ST14: variants seen among roughly 807,000 people sequenced by gnomAD.
ST14 encodes ST14 transmembrane serine protease matriptase, also known as suppressor of tumorigenicity 14 protein.
In ST14, 40 loss-of-function variants were observed where a neutral mutation model predicts 96.5. The observed-to-expected ratio is 0.41, with a 90% CI of 0.32 to 0.54. The LOEUF (loss-of-function observed/expected upper bound fraction) is 0.54. ST14 is among the 20% of genes least tolerant of loss of function. ST14 has a pLI of 0.17. For synonymous variants in ST14, 506 were observed against 492.1 expected (o/e 1.03, Z -0.37); for missense variants, 1,066 against 1,188.9 (o/e 0.90, Z 1.52).
At chr11:130,207,826 G>A (rs1029406056) in intron 16 of ST14, among the ~76,000 whole-genome samples, 4 of 152,066 alleles carry the variant, frequency 2.6e-5, no homozygotes, top group Admixed American at 1.3e-4. Context: ...TAATCCCAGC[G>A]CTTTGGGAGG....
chr11:130,197,953 A>G lies in ST14; in HGVS notation c.1459+8A>G, dbSNP rs896727416. 7.0e-6 allele frequency: 11 copies of G among 1,569,968 alleles called. No homozygotes were observed. The highest frequency in any genetic ancestry group is 1.2e-5 in the South Asian group (1 of 86,174). On this transcript the variant is annotated splice_region_variant and intron_variant, in intron 12 of 18. Coordinates refer to ENST00000278742, the MANE Select transcript of ST14 (RefSeq NM_021978.4). ...GCGATGAGCTCAACTGCAGTGAGTC[A>G]GGCTGGGAGCCCCGGTCTCCCCACC...
intron 16 of ST14, among the ~76,000 whole-genome samples, chr11:130,202,149 G>A (rs1271007597): frequency 6.6e-6 from 1 of 152,226 alleles, no homozygotes; most frequent in Admixed American, 6.5e-5. Context: ...ATGGCTGGGT[G>A]CATACTAAGA....
At chr11:130,167,999 G>A (rs1953057107) in intron 1 of ST14, among the ~76,000 whole-genome samples, 1 of 152,198 alleles carries the variant, frequency 6.6e-6, no homozygotes, top group Non-Finnish European at 1.5e-5. Flanking sequence ...GCAGGCATGA[G>A]CCACCGTGCC....
At position 130,200,105 on chromosome 11, in the gene ST14, C is replaced by A; in HGVS notation, c.1962C>A (p.Ala654=). The A allele has an allele frequency of 5.6e-6, 9 of 1,614,200 alleles. No homozygotes were observed. The highest frequency in any genetic ancestry group is 7.6e-6 in the Non-Finnish European group (9 of 1,180,044). ...SLISPNWLVS[A]AHCYIDDRGF... is the part of the protein sequence containing the mutation. ...TCTCTCCCAACTGGCTGGTCTCTGC[C>A]GCACACTGCTACATCGATGACAGAG... The change falls in exon 16 of 19, where the codon GCC becomes GCA. Residue 654 remains alanine (A), a synonymous_variant. Transcript: ENST00000278742.
In ST14 at chr11:130,160,039, C is replaced by T; in HGVS notation, c.60C>T (p.Leu20=). ...GCCCGAAGGACTTCGGCGCGGGACTCAAGTACAACTCCCGGCACGAGGTGA... is the reference window on the plus strand; with the variant it reads ...GCCCGAAGGACTTCGGCGCGGGACTTAAGTACAACTCCCGGCACGAGGTGA... The part of the protein sequence containing the change: ...GGGPKDFGAG[L]KYNSRHEKVN... The change falls in exon 1 of 19, where the codon CTC becomes CTT. Residue 20 remains leucine (L), a synonymous_variant. Coordinates refer to ENST00000278742, the MANE Select transcript of ST14 (RefSeq NM_021978.4). 4 of 1,437,598 alleles carry T rather than the reference C, an allele frequency of 2.8e-6. No homozygotes were observed. Among genetic ancestry groups the T allele is most frequent in the Non-Finnish European group, 3.7e-6 (4 of 1,087,854 alleles). 89.1% of individuals were successfully genotyped at this position (1,437,598 alleles called of 1,614,324 possible).
At chr11:130,195,521 C>T (rs911935630) in intron 9 of ST14, among the ~76,000 whole-genome samples, 3 of 152,168 alleles carry the variant, frequency 2.0e-5, no homozygotes, top group Admixed American at 1.3e-4. Flanking sequence ...GTGCCGCTCA[C>T]GCCATCCCAG....
In ST14 at chr11:130,188,224, C is replaced by G; in HGVS notation, c.192C>G (p.Gly64=). The change falls in exon 2 of 19, where the codon GGC becomes GGG. Residue 64 remains glycine (G), a synonymous_variant. Coordinates refer to ENST00000278742, the MANE Select transcript of ST14 (RefSeq NM_021978.4). The surrounding 1 kb of genome is among the most constrained non-coding windows in gnomAD (Gnocchi z 5.4). ...TGGTGCTGGCAGCCGTGCTGATCGGCCTCCTCTTGGTCTTGCTGGGGATCG... is the reference window on the plus strand; with the variant it reads ...TGGTGCTGGCAGCCGTGCTGATCGGGCTCCTCTTGGTCTTGCTGGGGATCG... ...RWVVLAAVLI[G]LLLVLLGIGF... 1 of 1,614,154 alleles carries G rather than the reference C, an allele frequency of 6.2e-7. No homozygotes were observed. Among genetic ancestry groups the G allele is most frequent in the Non-Finnish European group, 8.5e-7 (1 of 1,180,022 alleles).
rs1165417159 is a variant in ST14, at chr11:130,190,509, G to T, written c.690G>T (p.Thr230=). 2.5e-6 allele frequency: 4 copies of T among 1,609,446 alleles called. No individual in the cohort carries two copies. The highest frequency in any genetic ancestry group is 3.4e-6 in the Non-Finnish European group (4 of 1,179,840). The change falls in exon 7 of 19, where the codon ACG becomes ACT. Residue 230 remains threonine (T), a synonymous_variant. Coordinates refer to ENST00000278742, the MANE Select transcript of ST14 (RefSeq NM_021978.4). The part of the protein sequence containing the change: ...ARGVELMRFT[T]PGFPDSPYPA... ...GTGTGGAGCTGATGCGCTTCACCACGCCCGGCTTCCCTGACAGCCCCTACC... is the reference window on the plus strand; with the variant it reads ...GTGTGGAGCTGATGCGCTTCACCACTCCCGGCTTCCCTGACAGCCCCTACC...
In ST14 at chr11:130,181,712, T is replaced by C. The variant is rs1364568164; in HGVS notation, c.82-6402T>C. Among the ~76,000 whole-genome samples, 1 of 152,180 alleles carries C rather than the reference T, an allele frequency of 6.6e-6. No homozygotes were observed. Among genetic ancestry groups the C allele is most frequent in the Admixed American group, 6.5e-5 (1 of 15,284 alleles). On this transcript the variant is annotated intron_variant, in intron 1 of 18. Transcript: ENST00000278742. The surrounding 1 kb of genome is among the most constrained non-coding windows in gnomAD (Gnocchi z 4.1). ...ACTGACTTTATTAACTTTGTGACCT[T>C]GGACAGGCCACTCCCTCTCTTTCAT...
At chr11:130,209,601 G>C (rs533872308) in intron 18 of ST14, 23 bp downstream of exon 18, 4 of 1,587,434 alleles carry the variant, frequency 2.5e-6, no homozygotes, top group Non-Finnish European at 3.4e-6. Flanking sequence ...GCAGGAGGGC[G>C]GCAGGTGGGC....
At chr11:130,209,603 C>A in intron 18 of ST14, 25 bp downstream of exon 18, 1 of 1,588,424 alleles carries the variant, frequency 6.3e-7, no homozygotes, top group Non-Finnish European at 8.6e-7. Context: ...AGGAGGGCGG[C>A]AGGTGGGCCC....
In ST14 at chr11:130,208,452, C is replaced by T. The variant is rs368765251; in HGVS notation, c.2037C>T (p.His679=). 6.2e-7 allele frequency: 1 copy of T among 1,614,158 alleles called. No individual in the cohort carries two copies. The highest frequency in any genetic ancestry group is 8.5e-7 in the Non-Finnish European group (1 of 1,180,042). ...AGTGGACGGCCTTCCTGGGCTTGCA[C>T]GACCAGAGCCAGCGCAGCGCCCCTG... ...PTQWTAFLGL[H]DQSQRSAPGV... The change falls in exon 17 of 19, where the codon CAC becomes CAT. Residue 679 remains histidine, a synonymous_variant. Transcript: ENST00000278742.
At chr11:130,207,796 G>T (rs1231197253) in intron 16 of ST14, among the ~76,000 whole-genome samples, 1 of 152,198 alleles carries the variant, frequency 6.6e-6, no homozygotes. Flanking sequence ...ATTTGGGCTG[G>T]GCGTGGTGGC....
chr11:130,199,857 C>T (rs1410311441), intron 15 of ST14, 94 bp from the exon 16 acceptor site: 1 of 1,533,388 alleles, frequency 6.5e-7, no homozygotes, highest in African/African-American at 1.4e-5. Flanking sequence ...CTGGCTTCCC[C>T]ACACAGGGTC....
chr11:130,190,075 G>C (rs1295915992), intron 5 of ST14, 38 bp from the exon 6 acceptor site: 13 of 1,613,918 alleles, frequency 8.1e-6, no homozygotes, highest in Non-Finnish European at 1.1e-5. Context: ...GAAATGGATT[G>C]TATCAGGAAA....
Position 130,196,334 on chromosome 11 carries a change from C to T in ST14, c.1114-5C>T, listed in dbSNP as rs1188104727. 3 of 1,580,790 alleles carry T rather than the reference C, an allele frequency of 1.9e-6. No homozygotes were observed. Among genetic ancestry groups the T allele is most frequent in the Non-Finnish European group, 2.6e-6 (3 of 1,163,260 alleles). The stretch of plus-strand genomic sequence containing the variant: ...GCACATTCCCAGCAGCCTCTCTTCC[C>T]TCAGGTGCCCAACAACCAGCATGTG... On this transcript the variant is annotated splice_region_variant and splice_polypyrimidine_tract_variant and intron_variant, in intron 9 of 18. Coordinates refer to ENST00000278742, the MANE Select transcript of ST14 (RefSeq NM_021978.4).
At position 130,194,786 on chromosome 11, in the gene ST14, G is replaced by A. The variant is rs945237666; in HGVS notation, c.1113+49G>A. On this transcript the variant is annotated intron_variant, in intron 9 of 18. Coordinates refer to ENST00000278742, the MANE Select transcript of ST14 (RefSeq NM_021978.4). ...CGTGTGTGTGTGTGAGCATGTATGT[G>A]CACGTGTGTGTGTCTCCCTGTGCAG... 5.1e-6 allele frequency: 8 copies of A among 1,581,048 alleles called. 1 individual carries two copies. In the Middle Eastern group the frequency reaches 6.7e-4, roughly 132 times the overall value.
At chr11:130,177,456 G>A (rs989450505) in intron 1 of ST14, among the ~76,000 whole-genome samples, 3 of 152,076 alleles carry the variant, frequency 2.0e-5, no homozygotes, top group Non-Finnish European at 4.4e-5. Flanking sequence ...CCAGCTACTC[G>A]GGAGGCTGAG....
chr11:130,190,036 C>G, intron 5 of ST14, 77 bp from the exon 6 acceptor site: 2 of 1,612,526 alleles, frequency 1.2e-6, no homozygotes, highest in Non-Finnish European at 8.5e-7. Context: ...CGGGCACCTC[C>G]CTTTAGATAA....
Sources: gnomAD v4.1 joint callset for allele counts (sites outside exome capture counted in the v4.1 genomes callset) on GRCh38, gnomAD v4.1.1 for gene constraint, Gnocchi (gnomAD v3.1) non-coding constraint, MANE v1.5 for transcripts, NCBI Gene and HGNC (gene_info 2026-07-23, HGNC 2026-07-21) for gene names.